The following PTPRK variants were observed in gnomAD, a reference collection of about 807,000 sequenced individuals.
The protein encoded by PTPRK is receptor-type tyrosine-protein phosphatase kappa.
Under a neutral mutation model 178.0 loss-of-function variants are expected in PTPRK, and 75 were observed. The ratio of observed to expected loss-of-function variants is 0.42; its 90% CI spans 0.35 to 0.51. PTPRK has a LOEUF of 0.51. Ranked by LOEUF, PTPRK falls within the 20% of genes least tolerant of loss-of-function variation. PTPRK has a pLI of 0.02. For synonymous variants in PTPRK, 637 were observed against 620.6 expected (o/e 1.03, Z -0.39); for missense variants, 1,441 against 1,797.8 (o/e 0.80, Z 3.59).
intron 7 of PTPRK, among the ~76,000 whole-genome samples, chr6:128,153,763 A>G (rs1414846407): frequency 6.6e-6 from 1 of 152,008 alleles, no homozygotes; most frequent in African/African-American, 2.4e-5. Context: ...TAAAAACATG[A>G]AATTCAGCAA....
intron 13 of PTPRK, among the ~76,000 whole-genome samples, chr6:128,057,049 T>C (rs1780024889): frequency 6.6e-6 from 1 of 152,166 alleles, no homozygotes; most frequent in Non-Finnish European, 1.5e-5. Flanking sequence ...ATACAGGCTA[T>C]GGGTGACTTT....
chr6:128,325,766 C>T (rs896218919), intron 2 of PTPRK, among the ~76,000 whole-genome samples: 1 of 152,108 alleles, frequency 6.6e-6, no homozygotes, highest in Non-Finnish European at 1.5e-5. Context: ...TGTGGTGATT[C>T]CTCAAGGATC....
At chr6:128,172,239 G>C (rs1800371106) in intron 7 of PTPRK, among the ~76,000 whole-genome samples, 1 of 151,942 alleles carries the variant, frequency 6.6e-6, no homozygotes, top group African/African-American at 2.4e-5. Context: ...TTTAATAATA[G>C]GCAATTGTAC....
chr6:128,219,452 T>C (rs551206651), intron 5 of PTPRK, among the ~76,000 whole-genome samples: 1 of 152,312 alleles, frequency 6.6e-6, no homozygotes, highest in East Asian at 1.9e-4. Context: ...CGTGCTCCTA[T>C]GAGAATCTAA....
intron 7 of PTPRK, among the ~76,000 whole-genome samples, chr6:128,138,372 T>G (rs1795304829): frequency 6.6e-6 from 1 of 152,068 alleles, no homozygotes; most frequent in Non-Finnish European, 1.5e-5. Context: ...CGGGAAAAAA[T>G]AGATGTGCAA....
chr6:128,219,353 G>T (rs1583540273), intron 5 of PTPRK, among the ~76,000 whole-genome samples: 1 of 152,312 alleles, frequency 6.6e-6, no homozygotes, highest in East Asian at 1.9e-4. Context: ...ATTTCAGGAT[G>T]AAACTGTTCC....
At chr6:128,135,902 C>T (rs951031495) in intron 7 of PTPRK, among the ~76,000 whole-genome samples, 2 of 151,812 alleles carry the variant, frequency 1.3e-5, no homozygotes. Context: ...TTTAAGAAGT[C>T]GTCAGATATA....
At chr6:128,469,533 T>C (rs1385269012) in intron 1 of PTPRK, among the ~76,000 whole-genome samples, 1 of 152,200 alleles carries the variant, frequency 6.6e-6, no homozygotes, top group Admixed American at 6.6e-5. Context: ...GTTAACTTGA[T>C]ATCTATGCCT....
At chr6:128,356,428 C>A (rs1395700442) in intron 2 of PTPRK, among the ~76,000 whole-genome samples, 1 of 152,178 alleles carries the variant, frequency 6.6e-6, no homozygotes, top group Admixed American at 6.5e-5. Context: ...CACTAATGAG[C>A]CCTTAATTAA....
chr6:128,218,872 G>T, intron 6 of PTPRK, 50 bp downstream of exon 6: 41 of 1,422,938 alleles, frequency 2.9e-5, no homozygotes, highest in South Asian at 3.8e-5. Context: ...AGTTGCTTTT[G>T]TTCTAATAAA....
intron 1 of PTPRK, among the ~76,000 whole-genome samples, chr6:128,455,080 G>C (rs1373406749): frequency 2.6e-5 from 4 of 152,086 alleles, no homozygotes; most frequent in Non-Finnish European, 5.9e-5. Context: ...TAACTCAGAA[G>C]CTTAGTTTTT....
chr6:128,405,950 AATAG>A (rs1841597795), intron 1 of PTPRK, among the ~76,000 whole-genome samples: 1 of 152,126 alleles, frequency 6.6e-6, no homozygotes, highest in Non-Finnish European at 1.5e-5. Flanking sequence ...ACTTCAAGAA[AATAG>A]ATAACCAATT....
intron 1 of PTPRK, among the ~76,000 whole-genome samples, chr6:128,420,046 T>C (rs1483250219): frequency 6.6e-6 from 1 of 152,218 alleles, no homozygotes; most frequent in Non-Finnish European, 1.5e-5. Context: ...TAACACTGAA[T>C]GTGTATAAGA....
chr6:128,079,971 T>C lies in PTPRK; in HGVS notation c.1778-1053A>G, dbSNP rs1784524124. 2.0e-5 allele frequency among the ~76,000 whole-genome samples: 3 copies of C among 150,524 alleles called. No individual in the cohort carries two copies. The South Asian group carries it at 6.4e-4, about 32-fold the overall frequency. On this transcript the variant is annotated intron_variant, in intron 10 of 29. Coordinates refer to ENST00000368226, the MANE Select transcript of PTPRK (RefSeq NM_002844.4). ...GTATTTCTGGGGAGGGACCTGACAA[T>C]GTTTATTTCTAGACAGTTCTCAGGT...
At chr6:128,216,560 G>A (rs117996768) in intron 6 of PTPRK, among the ~76,000 whole-genome samples, 3,363 of 150,532 alleles carry the variant, frequency 0.022, 72 homozygotes, top group Non-Finnish European at 0.036. Context: ...AAAAAAAAAG[G>A]TCAAAATTTT....
chr6:127,972,301 C>G (rs1774018460), intron 29 of PTPRK, among the ~76,000 whole-genome samples: 1 of 152,226 alleles, frequency 6.6e-6, no homozygotes, highest in Non-Finnish European at 1.5e-5. Flanking sequence ...ATACACTACA[C>G]AGCTGCTCCC....
At chr6:128,293,361 T>C (rs1186947438) in intron 3 of PTPRK, among the ~76,000 whole-genome samples, 2 of 152,024 alleles carry the variant, frequency 1.3e-5, no homozygotes, top group Non-Finnish European at 2.9e-5. Flanking sequence ...AAATGCTGTG[T>C]TTTCACATGG....
At chr6:128,013,137 T>C (rs1255991131) in intron 13 of PTPRK, among the ~76,000 whole-genome samples, 1 of 151,410 alleles carries the variant, frequency 6.6e-6, no homozygotes, top group Non-Finnish European at 1.5e-5. Context: ...ACTCCCTCTT[T>C]CTTGGAACAC....
At chr6:128,061,069 A>G (rs1430723255) in intron 13 of PTPRK, among the ~76,000 whole-genome samples, 1 of 152,230 alleles carries the variant, frequency 6.6e-6, no homozygotes, top group Admixed American at 6.5e-5. Flanking sequence ...ATAGTGATGT[A>G]TAAGACTATT....
Sources: allele counts gnomAD v4.1 joint callset (sites outside exome capture counted in the v4.1 genomes callset), GRCh38; gene constraint gnomAD v4.1.1; transcripts MANE v1.5; gene names NCBI Gene and HGNC (gene_info 2026-07-23, HGNC 2026-07-21).